Variants in CLEC12B observed in about 807,000 individuals in gnomAD.
The protein encoded by CLEC12B is C-type lectin domain family 12 member B.
CLEC12B carries 25 observed loss-of-function variants against 36.1 expected under a neutral mutation model. The observed-to-expected ratio is 0.69, with a 90% confidence interval of 0.50 to 0.97. The LOEUF is 0.97. Among genes scored for constraint, CLEC12B ranks in the 50% least tolerant of loss-of-function variants. The pLI is 0.00. For synonymous variants in CLEC12B, 110 were observed against 108.5 expected (o/e 1.01, Z -0.09); for missense variants, 325 against 318.4 (o/e 1.02, Z -0.16).
chr12:10,017,431 C>T (rs1865513927), intron 5 of CLEC12B: 2 of 985,224 alleles, frequency 2.0e-6, no homozygotes, highest in Non-Finnish European at 2.4e-6. Context: ...TGTCCCTTCT[C>T]CCAAAGGGAT....
chr12:10,016,949 C>G lies in CLEC12B; in HGVS notation c.680+1222C>G, dbSNP rs895635606. ...TCCCCCAACAAATCATTATCCACCC[C>G]CCTCCCTCCTGTTTCACTCTTTAAA... On this transcript the variant is annotated intron_variant, in intron 5 of 5. Transcript: ENST00000338896. The G allele has an allele frequency of 8.2e-6, 8 of 974,346 alleles. No individual in the cohort carries two copies. The Admixed American group carries it at 4.6e-4, about 56-fold the overall frequency. 60.4% of individuals were successfully genotyped at this position (974,346 alleles called of 1,614,324 possible).
chr12:10,014,355 T>C (rs1312532803), intron 2 of CLEC12B, among the ~76,000 whole-genome samples, 168 bp from the exon 3 acceptor site: 2 of 152,184 alleles, frequency 1.3e-5, no homozygotes, highest in Non-Finnish European at 2.9e-5. Context: ...TAAAGAACTA[T>C]AAATAATTTG....
intron 3 of CLEC12B, 126 bp downstream of exon 3, chr12:10,014,867 T>C (rs1363392610): frequency 3.0e-6 from 2 of 669,102 alleles, no homozygotes; most frequent in Non-Finnish European, 5.2e-6. Context: ...GATGTTGCAC[T>C]AAATTTACAC....
rs1404977194 is a variant in CLEC12B at position 10,016,677 on chromosome 12, T to C, written c.680+950T>C. ...TAAGAGATGTATATGTTTTGGGGTA[T>C]ATGTGATAATTTGATACATTCAGAT... On this transcript the variant is annotated intron_variant, in intron 5 of 5. Coordinates refer to ENST00000338896, the MANE Select transcript of CLEC12B (RefSeq NM_001129998.3). The C allele has an allele frequency of 1.9e-5, 4 of 212,230 alleles. 1 individual carries two copies. The Admixed American group carries it at 2.6e-4, about 14-fold the overall frequency. 13.1% of individuals were successfully genotyped at this position (212,230 alleles called of 1,614,324 possible). A position where few individuals can be genotyped will look rare whatever the true frequency, so the allele number is the denominator to read the frequency against.
intron 1 of CLEC12B, 57 bp from the exon 2 acceptor site, chr12:10,012,728 A>G (rs745927064): frequency 9.4e-6 from 13 of 1,386,836 alleles, no homozygotes; most frequent in Non-Finnish European, 1.3e-5. Context: ...AAACAAACCA[A>G]AGTGAAACAA....
At chr12:10,006,246 G>A (rs2137256742), upstream of CLEC12B, among the ~76,000 whole-genome samples, 1 of 152,310 alleles carries the variant, frequency 6.6e-6, no homozygotes, top group Non-Finnish European at 1.5e-5. Context: ...TTTTTGATGT[G>A]TTAAGCTAGA....
In CLEC12B at chr12:10,012,833, T is replaced by C; in HGVS notation, c.140T>C (p.Val47Ala). 1 of 1,613,848 alleles carries C rather than the reference T, an allele frequency of 6.2e-7. No homozygotes were observed. Among genetic ancestry groups the C allele is most frequent in the Non-Finnish European group, 8.5e-7 (1 of 1,179,842 alleles). ...TGGCGTCATGCTGCTCTGGGTCTGG[T>C]AACTCTTTGCCTGATGTTGCTGATT... is the stretch of plus-strand genomic sequence containing the variant. ...PIWRHAALGLVTLCLMLLIGL... is the reference protein window; with the variant it reads ...PIWRHAALGLATLCLMLLIGL... The change falls in exon 2 of 6, where the codon GTA (valine) becomes GCA (alanine). Residue 47 changes from valine to alanine, a missense_variant. By Grantham distance (64) the Val-to-Ala change is moderately conservative. Coordinates refer to ENST00000338896, the MANE Select transcript of CLEC12B (RefSeq NM_001129998.3).
upstream of CLEC12B, among the ~76,000 whole-genome samples, chr12:10,008,442 A>C (rs561721986): frequency 1.3e-5 from 2 of 152,268 alleles, no homozygotes; most frequent in East Asian, 3.9e-4. Context: ...ACCTACCTGA[A>C]TGTCGAAATC....
chr12:10,013,724 G>T (rs188649266), intron 2 of CLEC12B, among the ~76,000 whole-genome samples: 1 of 152,096 alleles, frequency 6.6e-6, no homozygotes, highest in East Asian at 1.9e-4. Context: ...AATTTTTTAG[G>T]ATTTAATGGT....
intron 5 of CLEC12B, chr12:10,017,996 C>T (rs538610563): frequency 1.1e-6 from 1 of 918,750 alleles, no homozygotes; most frequent in Admixed American, 6.1e-5. Context: ...TCCCAAAGAA[C>T]TTCAAGTACT....
At chr12:10,013,813 T>C (rs1027388749) in intron 2 of CLEC12B, among the ~76,000 whole-genome samples, 1 of 152,190 alleles carries the variant, frequency 6.6e-6, no homozygotes, top group Non-Finnish European at 1.5e-5. Context: ...AGGAATATGA[T>C]GTTCAAGCAG....
chr12:10,013,030 C>T (rs1322455894), intron 2 of CLEC12B, 147 bp downstream of exon 2: 5 of 657,292 alleles, frequency 7.6e-6, no homozygotes, highest in East Asian at 2.8e-5. Context: ...TTCGTCATAT[C>T]TTCCCAAAAA....
At chr12:10,007,422 C>G (rs994533338), upstream of CLEC12B, among the ~76,000 whole-genome samples, 3 of 152,124 alleles carry the variant, frequency 2.0e-5, no homozygotes, top group Non-Finnish European at 2.9e-5. Context: ...ATGAGTAGTA[C>G]AATTCAACCA....
In CLEC12B at chr12:10,018,360, A is replaced by G; in HGVS notation, c.710A>G (p.Asn237Ser). 1 of 1,517,514 alleles carries G rather than the reference A, an allele frequency of 6.6e-7. No homozygotes were observed. The highest frequency in any genetic ancestry group is 1.4e-5 in the African/African-American group (1 of 72,280). The allele number at this position is 1,517,514 out of a possible 1,614,324, so 94.0% of individuals were successfully genotyped here. A position where few individuals can be genotyped will look rare whatever the true frequency, so the allele number is the denominator to read the frequency against. Reference sequence around the variant, plus strand: ...AGTACTAAAGAACTTGACCAGATCAATGGATCCAAAGGATGTGCTTATTTT... The same window carrying G: ...AGTACTAAAGAACTTGACCAGATCAGTGGATCCAAAGGATGTGCTTATTTT... ...LFSTKELDQI[N>S]GSKGCAYFQK... The change falls in exon 6 of 6, where the codon AAT becomes AGT. Residue 237 changes from asparagine (N) to serine (S), a missense_variant. Asn to Ser is a conservative substitution (Grantham distance 46). Transcript: ENST00000338896.
At chr12:10,007,847 G>C (rs147562945), upstream of CLEC12B, among the ~76,000 whole-genome samples, 1 of 152,152 alleles carries the variant, frequency 6.6e-6, no homozygotes, top group Admixed American at 6.5e-5. Flanking sequence ...GTAAGAAAAC[G>C]ATTTTTATAA....
In CLEC12B at chr12:10,018,323, A is replaced by C; in HGVS notation, c.681-8A>C. 12 of 1,398,692 alleles carry C rather than the reference A, an allele frequency of 8.6e-6. No individual in the cohort carries two copies. The highest frequency in any genetic ancestry group is 1.2e-5 in the Non-Finnish European group (12 of 1,036,502). The allele number at this position is 1,398,692 out of a possible 1,614,324, so 86.6% of individuals were successfully genotyped here. Reference sequence around the variant, plus strand: ...AGAATTTATAATTAATTTTAAATTAATTTTCAGATTTAGTACTAAAGAACT... The same window carrying C: ...AGAATTTATAATTAATTTTAAATTACTTTTCAGATTTAGTACTAAAGAACT... On this transcript the variant is annotated splice_region_variant and splice_polypyrimidine_tract_variant and intron_variant, in intron 5 of 5. Transcript: ENST00000338896.
chr12:10,009,283 G>A (rs1256058139), upstream of CLEC12B, among the ~76,000 whole-genome samples: 2 of 152,096 alleles, frequency 1.3e-5, no homozygotes, highest in Non-Finnish European at 2.9e-5. Context: ...AAAGGTCCGC[G>A]GCTTCATTTT....
Position 10,018,671 on chromosome 12 carries a change from A to T in CLEC12B, c.*190A>T, listed in dbSNP as rs117476358. ...TGACGTCTTCTGATTTGATGTTATT[A>T]TTCGGTCTTAAAATTATACCTGGGG... On this transcript the variant is annotated 3_prime_UTR_variant, in exon 6 of 6. Coordinates refer to ENST00000338896, the MANE Select transcript of CLEC12B (RefSeq NM_001129998.3). The T allele has an allele frequency of 0.027, 15,433 of 565,220 alleles. 276 individuals carry two copies. Among genetic ancestry groups the T allele is most frequent in the Non-Finnish European group, 0.035 (11,484 of 325,660 alleles). 35.0% of individuals were successfully genotyped at this position (565,220 alleles called of 1,614,324 possible). A position where few individuals can be genotyped will look rare whatever the true frequency, so the allele number is the denominator to read the frequency against.
Position 10,018,386 on chromosome 12 carries a change from C to G in CLEC12B, c.736C>G (p.Gln246Glu), listed in dbSNP as rs1865539160. The G allele has an allele frequency of 1.9e-6, 3 of 1,543,850 alleles. No homozygotes were observed. The East Asian group carries it at 7.3e-5, about 38-fold the overall frequency. The change falls in exon 6 of 6, where the codon CAA becomes GAA. Residue 246 changes from glutamine to glutamate, a missense_variant. By Grantham distance (29) the Gln-to-Glu change is conservative. Coordinates refer to ENST00000338896, the MANE Select transcript of CLEC12B (RefSeq NM_001129998.3). The stretch of plus-strand genomic sequence containing the variant: ...TGGATCCAAAGGATGTGCTTATTTT[C>G]AAAAAGGAAATATTTATATTTCTCG... ...INGSKGCAYFQKGNIYISRCS... is the reference protein window; with the variant it reads ...INGSKGCAYFEKGNIYISRCS...
Sources: allele counts gnomAD v4.1 joint callset (sites outside exome capture counted in the v4.1 genomes callset), GRCh38; gene constraint gnomAD v4.1.1; transcripts MANE v1.5; gene names NCBI Gene and HGNC (gene_info 2026-07-23, HGNC 2026-07-21).